ASRGL1: variants seen among roughly 807,000 people sequenced by gnomAD.
ASRGL1 encodes isoaspartyl peptidase/L-asparaginase.
ASRGL1 carries 16 observed loss-of-function variants against 22.4 expected under a neutral mutation model. The observed-to-expected ratio is 0.71, with a 90% CI of 0.48 to 1.08. The LOEUF (loss-of-function observed/expected upper bound fraction) is 1.08. Ranked by LOEUF, ASRGL1 falls within the 50% of genes least tolerant of loss-of-function variation. The pLI, the probability that ASRGL1 is intolerant of heterozygous loss-of-function variation, is 0.00. For synonymous variants in ASRGL1, 165 were observed against 159.3 expected (o/e 1.04, Z -0.27); for missense variants, 412 against 410.1 (o/e 1.00, Z -0.04).
intron 2 of ASRGL1, among the ~76,000 whole-genome samples, chr11:62,353,591 C>T (rs2134598081): frequency 6.6e-6 from 1 of 152,174 alleles, no homozygotes; most frequent in South Asian, 2.1e-4. Flanking sequence ...TTGCCTCAGC[C>T]TCCCAAAGTG....
intron 4 of ASRGL1, among the ~76,000 whole-genome samples, chr11:62,387,381 A>G (rs1186640008): frequency 6.6e-6 from 1 of 152,214 alleles, no homozygotes; most frequent in Non-Finnish European, 1.5e-5. Context: ...ACTATTAATA[A>G]TTAAGCCATG....
intron 2 of ASRGL1, among the ~76,000 whole-genome samples, chr11:62,349,295 G>A (rs996895906): frequency 2.6e-5 from 4 of 152,142 alleles, no homozygotes; most frequent in African/African-American, 4.8e-5. Flanking sequence ...CTTTACAAAA[G>A]CAGTTGCGTT....
chr11:62,356,244 CG>C, intron 2 of ASRGL1, 80 bp from the exon 3 acceptor site: 5 of 1,517,398 alleles, frequency 3.3e-6, no homozygotes, highest in South Asian at 1.2e-5. Flanking sequence ...GCTGGCCGGG[CG>C]GGGGGCTGAC....
At chr11:62,401,078 C>G in the ASRGL1 span, among the ~76,000 whole-genome samples, 1 of 152,228 alleles carries the variant, frequency 6.6e-6, no homozygotes, top group African/African-American at 2.4e-5. Flanking sequence ...AGGGCCAGAC[C>G]ACAGGGCAGC....
At chr11:62,361,968 T>C (rs1231863981) in intron 4 of ASRGL1, among the ~76,000 whole-genome samples, 3 of 152,176 alleles carry the variant, frequency 2.0e-5, no homozygotes, top group Non-Finnish European at 4.4e-5. Context: ...AAGAAAACTT[T>C]CTGTTTTAGA....
chr11:62,346,516 A>T (rs546703503), intron 2 of ASRGL1, among the ~76,000 whole-genome samples: 4 of 152,210 alleles, frequency 2.6e-5, no homozygotes, highest in Non-Finnish European at 5.9e-5. Flanking sequence ...ACATCATTTC[A>T]TGAAGCCCCT....
At chr11:62,389,521 C>T in intron 5 of ASRGL1, 1 of 485,160 alleles carries the variant, frequency 2.1e-6, no homozygotes, top group South Asian at 1.9e-5. Context: ...GGGATGCTAA[C>T]GTTGCCCCCA....
intron 4 of ASRGL1, among the ~76,000 whole-genome samples, chr11:62,388,256 G>A (rs1201041504): frequency 1.3e-5 from 2 of 152,214 alleles, no homozygotes; most frequent in South Asian, 4.1e-4. Flanking sequence ...GCACATGACT[G>A]TATTCGAGAA....
intron 2 of ASRGL1, among the ~76,000 whole-genome samples, chr11:62,338,838 G>A (rs531992879): frequency 6.3e-4 from 94 of 149,736 alleles, no homozygotes; most frequent in Admixed American, 2.0e-3. Flanking sequence ...CCAGCTACTC[G>A]GGAGGCCGAG....
chr11:62,372,368 C>T (rs559716860), intron 4 of ASRGL1: 4 of 1,563,186 alleles, frequency 2.6e-6, no homozygotes, highest in East Asian at 2.2e-5. Flanking sequence ...TGTACAACAG[C>T]CTGCCAATTA....
At chr11:62,362,468 ATT>A (rs1340016366) in intron 4 of ASRGL1, among the ~76,000 whole-genome samples, 4 of 119,986 alleles carry the variant, frequency 3.3e-5, no homozygotes, top group East Asian at 2.1e-4. Context: ...ATATATATAT[ATT>A]ATATAAAATA....
chr11:62,397,515 T>G (rs1168829231), downstream of ASRGL1, among the ~76,000 whole-genome samples: 1 of 151,824 alleles, frequency 6.6e-6, no homozygotes, highest in African/African-American at 2.4e-5. Context: ...AAATACAAAA[T>G]TAGCCGGGCA....
intron 4 of ASRGL1, among the ~76,000 whole-genome samples, chr11:62,376,253 G>A (rs1018201759): frequency 6.6e-5 from 10 of 151,230 alleles, no homozygotes; most frequent in African/African-American, 2.4e-4. Context: ...CTTGGTGGAT[G>A]GCAACTTCGT....
Position 62,356,466 on chromosome 11 carries a change from A to T in ASRGL1, c.332A>T (p.Lys111Met). The change falls in exon 3 of 7, where the codon AAG (lysine) becomes ATG (methionine). Residue 111 changes from lysine (K) to methionine (M), a missense_variant and splice_region_variant. Lys to Met is a moderately conservative substitution (Grantham distance 95). Transcript: ENST00000415229. ...AAACTTGCTCGGCTTGTCATGGAAA[A>T]GGTATATGTGACTAAAGCAGCCTTT... is the stretch of plus-strand genomic sequence containing the variant. ...PIKLARLVME[K>M]TPHCFLTDQG... 6.2e-7 allele frequency: 1 copy of T among 1,614,048 alleles called. No individual in the cohort carries two copies. The highest frequency in any genetic ancestry group is 8.5e-7 in the Non-Finnish European group (1 of 1,179,926).
rs140577883 is a variant in ASRGL1, at chr11:62,391,433, C to T, written c.611-89C>T. 4.7e-4 allele frequency: 695 copies of T among 1,487,772 alleles called. 1 individual carries two copies. In the East Asian group the frequency reaches 5.0e-3, roughly 11 times the overall value. 92.2% of individuals were successfully genotyped at this position (1,487,772 alleles called of 1,614,324 possible). ...TTTGTCGGTACTTGAGCACCCTTCG[C>T]GATTTAACTTTCATGTAGCGTCCGA... On this transcript the variant is annotated intron_variant, in intron 5 of 6. Transcript: ENST00000415229.
At chr11:62,382,368 G>A (rs1416434297) in intron 4 of ASRGL1, 2 of 152,012 alleles carry the variant, frequency 1.3e-5, no homozygotes, top group Admixed American at 1.3e-4. Flanking sequence ...AGAGAGGAGA[G>A]GGTCAGCAGG....
chr11:62,393,817 T>C (rs1434962360), downstream of ASRGL1, among the ~76,000 whole-genome samples: 1 of 151,890 alleles, frequency 6.6e-6, no homozygotes, highest in African/African-American at 2.4e-5. Flanking sequence ...CTCTGGAGGC[T>C]AAAAGTCCAA....
intron 4 of ASRGL1, among the ~76,000 whole-genome samples, chr11:62,361,210 G>A (rs375294361): frequency 2.6e-4 from 39 of 150,976 alleles, no homozygotes; most frequent in African/African-American, 9.5e-4. Flanking sequence ...TTGTTTTTTT[G>A]AGACAAGGTC....
chr11:62,363,147 A>T lies in ASRGL1; in HGVS notation c.491+6003A>T, dbSNP rs113588919. Reference sequence around the variant, plus strand: ...ACGGGGTTTCACCATGTTAGCCAGGATGGTCTCAATCTCCTGACCTGATGA... The same window carrying T: ...ACGGGGTTTCACCATGTTAGCCAGGTTGGTCTCAATCTCCTGACCTGATGA... On this transcript the variant is annotated intron_variant, in intron 4 of 6. Transcript: ENST00000415229. 1.8e-3 allele frequency among the ~76,000 whole-genome samples: 274 copies of T among 151,342 alleles called. 2 individuals are homozygous for T. The highest frequency in any genetic ancestry group is 6.2e-3 in the African/African-American group (255 of 41,192).
Sources: allele counts gnomAD v4.1 joint callset (sites outside exome capture counted in the v4.1 genomes callset), GRCh38; gene constraint gnomAD v4.1.1; transcripts MANE v1.5; gene names NCBI Gene and HGNC (gene_info 2026-07-23, HGNC 2026-07-21).